The following SLC25A21 variants were observed in gnomAD, a reference collection of about 807,000 sequenced individuals.
SLC25A21 encodes mitochondrial 2-oxodicarboxylate carrier.
Under a neutral mutation model 43.8 loss-of-function variants are expected in SLC25A21, and 47 were observed. The ratio of observed to expected loss-of-function variants is 1.07; its 90% CI spans 0.85 to 1.37. The LOEUF is 1.37. SLC25A21 is among the 40% of genes most tolerant of loss of function. The pLI is 0.00. For synonymous variants in SLC25A21, 131 were observed against 121.3 expected (o/e 1.08, Z -0.52); for missense variants, 352 against 350.2 (o/e 1.00, Z -0.04).
intron 1 of SLC25A21, among the ~76,000 whole-genome samples, chr14:37,029,940 T>C (rs1430703563): frequency 6.6e-6 from 1 of 151,778 alleles, no homozygotes; most frequent in Non-Finnish European, 1.5e-5. Context: ...AATTTTTTTA[T>C]TTTTAGTAGA....
At chr14:36,983,686 G>A (rs1594737095) in intron 1 of SLC25A21, among the ~76,000 whole-genome samples, 1 of 152,064 alleles carries the variant, frequency 6.6e-6, no homozygotes. Flanking sequence ...ACCTGCACTC[G>A]AATGTTTATT....
intron 1 of SLC25A21, among the ~76,000 whole-genome samples, chr14:37,170,340 G>T (rs1203670080): frequency 6.6e-6 from 1 of 152,130 alleles, no homozygotes; most frequent in African/African-American, 2.4e-5. Context: ...GGCCGAGTAT[G>T]ATCTACTTTT....
intron 1 of SLC25A21, among the ~76,000 whole-genome samples, chr14:37,135,170 C>T (rs1476069035): frequency 1.3e-5 from 2 of 152,150 alleles, no homozygotes; most frequent in Non-Finnish European, 1.5e-5. Context: ...TCAAGTGATC[C>T]ACCCACCTTG....
intron 1 of SLC25A21, among the ~76,000 whole-genome samples, chr14:36,987,356 A>T (rs61989482): frequency 2.0e-5 from 3 of 152,188 alleles, no homozygotes; most frequent in Non-Finnish European, 4.4e-5. Flanking sequence ...AATTTTTTTC[A>T]TAAGTACATT....
chr14:36,947,615 C>T (rs1228973536), intron 1 of SLC25A21, among the ~76,000 whole-genome samples: 1 of 132,366 alleles, frequency 7.6e-6, no homozygotes, highest in African/African-American at 3.0e-5. Context: ...ATGGCTTCTC[C>T]CCATATATAG....
chr14:36,727,632 G>A (rs559267005), intron 5 of SLC25A21, among the ~76,000 whole-genome samples: 3 of 152,094 alleles, frequency 2.0e-5, no homozygotes, highest in Admixed American at 1.3e-4. Flanking sequence ...AGGTTGCAGC[G>A]AGCTGAGATC....
At chr14:36,809,824 G>A (rs371056431) in intron 3 of SLC25A21, among the ~76,000 whole-genome samples, 2 of 152,194 alleles carry the variant, frequency 1.3e-5, no homozygotes, top group African/African-American at 2.4e-5. Context: ...AAATTGACTA[G>A]TGCTATCTTC....
At chr14:36,882,646 T>C (rs920731407) in intron 1 of SLC25A21, among the ~76,000 whole-genome samples, 2 of 152,140 alleles carry the variant, frequency 1.3e-5, no homozygotes, top group Non-Finnish European at 2.9e-5. Flanking sequence ...CTCACTCTCT[T>C]GGTGATCTCA....
At chr14:36,752,472 A>T (rs1013364436) in intron 3 of SLC25A21, among the ~76,000 whole-genome samples, 2 of 152,228 alleles carry the variant, frequency 1.3e-5, no homozygotes, top group Non-Finnish European at 2.9e-5. Flanking sequence ...CATTATTCAC[A>T]ATAGCCAAAA....
chr14:37,095,951 T>C (rs1334599087), intron 1 of SLC25A21, among the ~76,000 whole-genome samples: 1 of 152,122 alleles, frequency 6.6e-6, no homozygotes, highest in African/African-American at 2.4e-5. Flanking sequence ...CACTTATGTA[T>C]GTGATATTCC....
chr14:37,112,949 T>TA (rs35266340), intron 1 of SLC25A21, among the ~76,000 whole-genome samples: 3 of 151,780 alleles, frequency 2.0e-5, no homozygotes, highest in African/African-American at 7.3e-5. Flanking sequence ...TGTTAATGAC[T>TA]AAAAAATGGA....
intron 3 of SLC25A21, among the ~76,000 whole-genome samples, chr14:36,764,192 G>GAAAGAAAGAGAA (rs141041432): frequency 5.4e-5 from 3 of 55,280 alleles, no homozygotes; most frequent in African/African-American, 7.5e-5. Context: ...AAGAAAGAAA[G>GAAAGAAAGAGAA]AGAAAGAAAG....
rs146067242 is a variant in SLC25A21 at position 37,114,149 on chromosome 14, T to G, written c.70+58132A>C. On this transcript the variant is annotated intron_variant, in intron 1 of 9. Transcript: ENST00000331299. Reference sequence around the variant, plus strand: ...ACCATAATAAAACATAGAGTTACAATCAACGTGTGATGACAAATGGTCTCC... The same window carrying G: ...ACCATAATAAAACATAGAGTTACAAGCAACGTGTGATGACAAATGGTCTCC... 5.0e-4 allele frequency among the ~76,000 whole-genome samples: 76 copies of G among 152,292 alleles called. 1 individual carries two copies. Among genetic ancestry groups the G allele is most frequent in the African/African-American group, 1.7e-3 (72 of 41,562 alleles).
chr14:37,092,262 C>T (rs893735047), intron 1 of SLC25A21, among the ~76,000 whole-genome samples: 1 of 152,136 alleles, frequency 6.6e-6, no homozygotes, highest in Non-Finnish European at 1.5e-5. Context: ...TGTTCCTTTT[C>T]TTTAGCATCC....
At chr14:36,700,606 C>G (rs1292998589) in intron 7 of SLC25A21, among the ~76,000 whole-genome samples, 1 of 151,922 alleles carries the variant, frequency 6.6e-6, no homozygotes, top group Non-Finnish European at 1.5e-5. Context: ...AGGGTCAGGC[C>G]TTTGAAAGGA....
Position 36,734,517 on chromosome 14 carries a change from C to CT in SLC25A21, c.259dup (p.Arg87LysfsTer9). 1 of 1,607,174 alleles carries CT rather than the reference C, an allele frequency of 6.2e-7. No homozygotes were observed. Among genetic ancestry groups the CT allele is most frequent in the South Asian group, 1.1e-5 (1 of 89,496 alleles). The stretch of plus-strand genomic sequence containing the variant: ...GCATGCAATGCTTACCTTCACTGCT[C>CT]TTTTTGGGGTTTCAGCCAAGATAGG... On this transcript the variant is annotated frameshift_variant, in exon 4 of 10. Transcript: ENST00000331299. LOFTEE classifies it high-confidence loss of function.
chr14:36,950,788 A>G (rs1049270937), intron 1 of SLC25A21, among the ~76,000 whole-genome samples: 1 of 152,230 alleles, frequency 6.6e-6, no homozygotes, highest in African/African-American at 2.4e-5. Flanking sequence ...TTGTTTCCCC[A>G]CAACCTAACA....
chr14:37,086,883 A>C (rs1594786179), intron 1 of SLC25A21, among the ~76,000 whole-genome samples: 2 of 152,222 alleles, frequency 1.3e-5, no homozygotes, highest in East Asian at 3.8e-4. Flanking sequence ...ATACAATCTC[A>C]TACATTTTAA....
intron 3 of SLC25A21, among the ~76,000 whole-genome samples, chr14:36,748,777 C>T (rs185584045): frequency 8.2e-4 from 125 of 152,262 alleles, no homozygotes; most frequent in Admixed American, 2.0e-3. Flanking sequence ...CCAGTTCCTC[C>T]AGTCACCTAC....
Sources: allele counts gnomAD v4.1 joint callset (sites outside exome capture counted in the v4.1 genomes callset), GRCh38; gene constraint gnomAD v4.1.1; transcripts MANE v1.5; gene names NCBI Gene and HGNC (gene_info 2026-07-23, HGNC 2026-07-21).